Variants in SLC6A2 observed in about 807,000 individuals in gnomAD.
SLC6A2 encodes solute carrier family 6 member 2.
In SLC6A2, 26 loss-of-function variants were observed where a neutral mutation model predicts 71.7. The ratio of observed to expected loss-of-function variants is 0.36; its 90% confidence interval spans 0.27 to 0.50. The LOEUF is 0.50. Ranked by LOEUF, SLC6A2 falls within the 20% of genes least tolerant of loss-of-function variation. The probability of loss-of-function intolerance (pLI) is 0.96; values close to 1 mark genes in which losing one functional copy is unlikely to be tolerated. For missense variants in SLC6A2, 581 were observed against 803.9 expected, an observed-to-expected ratio of 0.72 and a Z score of 3.35; for synonymous variants, 363 against 337.9, an observed-to-expected ratio of 1.07 and a Z score of -0.82.
At chr16:55,674,968 A>T (rs1336280464) in intron 4 of SLC6A2, among the ~76,000 whole-genome samples, 1 of 152,192 alleles carries the variant, frequency 6.6e-6, no homozygotes, top group Non-Finnish European at 1.5e-5. Flanking sequence ...CATTCCCACC[A>T]ACAGTGTATA....
Position 55,656,967 on chromosome 16 carries a change from C to T in SLC6A2, c.273C>T (p.Gly91=). The T allele has an allele frequency of 1.2e-6, 2 of 1,613,078 alleles. No individual in the cohort carries two copies. Among genetic ancestry groups the T allele is most frequent in the Non-Finnish European group, 1.7e-6 (2 of 1,179,540 alleles). ...CCTACCTCTGCTACAAGAACGGCGG[C>T]GGTGAGCGTGGGGTCGGGCTGGGAA... ...RFPYLCYKNG[G]GAFLIPYTLF... Residue 91 remains glycine, a splice_region_variant and synonymous_variant, in exon 2 of 15, where the codon GGC becomes GGT. Coordinates refer to ENST00000568943, the MANE Select transcript of SLC6A2 (RefSeq NM_001172501.3). The surrounding 1 kb of genome is among the most constrained non-coding windows in gnomAD (Gnocchi z 4.5).
intron 4 of SLC6A2, among the ~76,000 whole-genome samples, chr16:55,676,568 C>G (rs181998226): frequency 1.3e-5 from 2 of 152,360 alleles, no homozygotes; most frequent in East Asian, 1.9e-4. Flanking sequence ...AACCCCAGCC[C>G]TGTCTGGCAG....
intron 5 of SLC6A2, among the ~76,000 whole-genome samples, chr16:55,689,176 A>T (rs1302644231): frequency 6.6e-6 from 1 of 152,160 alleles, no homozygotes. Flanking sequence ...CTGTTTACCC[A>T]TTGTGCATTC....
At chr16:55,680,579 G>A (rs1965238276) in intron 4 of SLC6A2, among the ~76,000 whole-genome samples, 1 of 152,042 alleles carries the variant, frequency 6.6e-6, no homozygotes, top group African/African-American at 2.4e-5. Flanking sequence ...CTGACTAGAT[G>A]GTGCCCACCC....
chr16:55,667,494 G>C (rs40518), intron 2 of SLC6A2, among the ~76,000 whole-genome samples: 57,045 of 152,106 alleles, frequency 0.38, 11,129 homozygotes, highest in South Asian at 0.46. Context: ...GTTACTTTCA[G>C]CAACCCCACT....
chr16:55,665,719 G>C (rs1328181982), intron 2 of SLC6A2, among the ~76,000 whole-genome samples: 9 of 151,830 alleles, frequency 5.9e-5, no homozygotes, highest in African/African-American at 1.2e-4. Context: ...CTCCTCACCT[G>C]CTGGGGGCTG....
Position 55,702,852 on chromosome 16 carries a change from A to T in SLC6A2, c.*506A>T, listed in dbSNP as rs1966018441. The T allele has an allele frequency of 1.0e-6, 1 of 999,638 alleles. No homozygotes were observed. The highest frequency in any genetic ancestry group is 1.2e-6 in the Non-Finnish European group (1 of 838,232). 61.9% of individuals were successfully genotyped at this position (999,638 alleles called of 1,614,324 possible). The stretch of plus-strand genomic sequence containing the variant: ...TAGACCCTCCTCTTGCCCACCCTAG[A>T]CAGCCCTCTCATGTCTGAACCTCAG... On this transcript the variant is annotated 3_prime_UTR_variant, in exon 15 of 15. Coordinates refer to ENST00000568943, the MANE Select transcript of SLC6A2 (RefSeq NM_001172501.3).
rs1965763135 is a variant in SLC6A2, at chr16:55,695,358, T to C, written c.1103T>C (p.Met368Thr). The C allele has an allele frequency of 4.3e-6, 7 of 1,614,228 alleles. No homozygotes were observed. Among genetic ancestry groups the C allele is most frequent in the Non-Finnish European group, 3.4e-6 (4 of 1,180,030 alleles). The change falls in exon 8 of 15, where the codon ATG (methionine) becomes ACG (threonine). Residue 368 changes from methionine (M) to threonine (T), a missense_variant. This residue lies in a region of SLC6A2 where 334 missense variants were observed against 449.0 expected (regional missense o/e 0.74). Coordinates refer to ENST00000568943, the MANE Select transcript of SLC6A2 (RefSeq NM_001172501.3). Reference sequence around the variant, plus strand: ...GCCATCTTCTCCATCCTTGGTTACATGGCCCATGAACACAAGGTCAACATT... The same window carrying C: ...GCCATCTTCTCCATCCTTGGTTACACGGCCCATGAACACAAGGTCAACATT... ...GFAIFSILGY[M>T]AHEHKVNIED...
intron 2 of SLC6A2, among the ~76,000 whole-genome samples, chr16:55,667,840 T>C (rs1454662043): frequency 6.6e-6 from 1 of 152,174 alleles, no homozygotes; most frequent in Non-Finnish European, 1.5e-5. Context: ...GTGGGGCATG[T>C]TGGAAACAGC....
intron 10 of SLC6A2, 58 bp from the exon 11 acceptor site, chr16:55,698,411 A>C: frequency 8.2e-7 from 1 of 1,216,114 alleles, no homozygotes; most frequent in Non-Finnish European, 1.2e-6. Flanking sequence ...CAGACACAAC[A>C]ATCAGTTCCC....
chr16:55,662,659 A>G (rs1964641088), intron 2 of SLC6A2, among the ~76,000 whole-genome samples: 1 of 152,238 alleles, frequency 6.6e-6, no homozygotes, highest in Non-Finnish European at 1.5e-5. Context: ...CAGCTTTATT[A>G]GGAAAAATCA....
At chr16:55,688,543 G>T (rs1329662260) in intron 5 of SLC6A2, among the ~76,000 whole-genome samples, 1 of 152,188 alleles carries the variant, frequency 6.6e-6, no homozygotes, top group African/African-American at 2.4e-5. Flanking sequence ...CTGTTTTCAA[G>T]TCAACCTTAG....
At position 55,656,545 on chromosome 16, in the gene SLC6A2, G is replaced by C. The variant is rs1173999780; in HGVS notation, c.-51-99G>C. ...TGGGAACCCTGCGTCCGCTCAGCGCGCGCTCATCCCAGTGTCTAAGGCGCT... is the reference window on the plus strand; with the variant it reads ...TGGGAACCCTGCGTCCGCTCAGCGCCCGCTCATCCCAGTGTCTAAGGCGCT... On this transcript the variant is annotated intron_variant, in intron 1 of 14. Coordinates refer to ENST00000568943, the MANE Select transcript of SLC6A2 (RefSeq NM_001172501.3). This position sits in a 1 kb window ranked among gnomAD's most constrained non-coding sequence, Gnocchi z 4.5. 1 of 942,752 alleles carries C rather than the reference G, an allele frequency of 1.1e-6. No individual in the cohort carries two copies. Among genetic ancestry groups the C allele is most frequent in the African/African-American group, 1.6e-5 (1 of 61,434 alleles). The allele number at this position is 942,752 out of a possible 1,614,324, so 58.4% of individuals were successfully genotyped here.
chr16:55,703,603 G>T lies in SLC6A2; in HGVS notation c.*1257G>T, dbSNP rs931528931. On this transcript the variant is annotated 3_prime_UTR_variant, in exon 15 of 15. Coordinates refer to ENST00000568943, the MANE Select transcript of SLC6A2 (RefSeq NM_001172501.3). ...CTTGCACTTGGTGCCCTCTGGTGGT[G>T]TTTAGTTTTAGTTCCGTAAGAGAAA... 1.4e-5 allele frequency: 14 copies of T among 985,432 alleles called. No individual in the cohort carries two copies. In the African/African-American group the frequency reaches 2.4e-4, roughly 17 times the overall value. 61.0% of individuals were successfully genotyped at this position (985,432 alleles called of 1,614,324 possible). A position where few individuals can be genotyped will look rare whatever the true frequency, so the allele number is the denominator to read the frequency against.
At chr16:55,674,662 T>A (rs1223708417) in intron 4 of SLC6A2, among the ~76,000 whole-genome samples, 1 of 152,152 alleles carries the variant, frequency 6.6e-6, no homozygotes, top group Non-Finnish European at 1.5e-5. Flanking sequence ...TGACCTCAGG[T>A]GATCCACCTG....
In SLC6A2 at chr16:55,703,804, C is replaced by T. The variant is rs1425886593; in HGVS notation, c.*1458C>T. 1.0e-6 allele frequency: 1 copy of T among 985,182 alleles called. No individual in the cohort carries two copies. Among genetic ancestry groups the T allele is most frequent in the Non-Finnish European group, 1.2e-6 (1 of 829,928 alleles). The allele number at this position is 985,182 out of a possible 1,614,324, so 61.0% of individuals were successfully genotyped here. ...CGCACGTCAAGAAGGTGCTTTGCCT[C>T]AAATTGGGGTGTTGTTGAGCCTGGT... On this transcript the variant is annotated 3_prime_UTR_variant, in exon 15 of 15. Coordinates refer to ENST00000568943, the MANE Select transcript of SLC6A2 (RefSeq NM_001172501.3).
intron 5 of SLC6A2, among the ~76,000 whole-genome samples, chr16:55,690,875 A>T (rs1282770136): frequency 6.6e-6 from 1 of 152,132 alleles, no homozygotes; most frequent in African/African-American, 2.4e-5. Flanking sequence ...TAACACCCCC[A>T]TCCCTGTCTC....
intron 2 of SLC6A2, among the ~76,000 whole-genome samples, chr16:55,662,135 A>G (rs1449349767): frequency 6.6e-6 from 1 of 152,190 alleles, no homozygotes; most frequent in Non-Finnish European, 1.5e-5. Flanking sequence ...GGTCACTGGC[A>G]TGGTTTGGCT....
chr16:55,698,390 G>A, intron 10 of SLC6A2, 79 bp from the exon 11 acceptor site: 4 of 1,011,848 alleles, frequency 4.0e-6, no homozygotes, highest in South Asian at 3.8e-5. Context: ...CAGGGGGCAG[G>A]TAAGAGTTGA....
Sources: gnomAD v4.1 joint callset for allele counts (sites outside exome capture counted in the v4.1 genomes callset) on GRCh38, gnomAD v4.1.1 for gene constraint, gnomAD v4.1.1 regional missense constraint, Gnocchi (gnomAD v3.1) non-coding constraint, MANE v1.5 for transcripts, NCBI Gene and HGNC (gene_info 2026-07-23, HGNC 2026-07-21) for gene names.